TEX9: variants seen among roughly 807,000 people sequenced by gnomAD.
TEX9 encodes the protein testis expressed 9, also known as testis-expressed protein 9.
In TEX9, 74 loss-of-function variants were observed where a neutral mutation model predicts 59.6. That is an observed-to-expected ratio of 1.24 (90% CI 1.03 to 1.51). The LOEUF (loss-of-function observed/expected upper bound fraction) is 1.51. Among genes scored for constraint, TEX9 ranks in the 40% most tolerant of loss-of-function variants. The pLI is 0.00. For synonymous variants in TEX9, 186 were observed against 152.2 expected (o/e 1.22, Z -1.64); for missense variants, 522 against 447.8 (o/e 1.17, Z -1.49).
At chr15:56,385,068 T>C (rs1335135562) in intron 4 of TEX9, among the ~76,000 whole-genome samples, 1 of 152,200 alleles carries the variant, frequency 6.6e-6, no homozygotes, top group African/African-American at 2.4e-5. Context: ...CTTTTGCACA[T>C]GGATAGCCAT....
intron 1 of TEX9, among the ~76,000 whole-genome samples, chr15:56,290,077 C>G (rs1173452600): frequency 6.6e-6 from 1 of 152,116 alleles, no homozygotes; most frequent in East Asian, 1.9e-4. Context: ...CTCGATACAG[C>G]CATAGTGCCT....
At chr15:56,336,332 G>C (rs1031782852) in intron 1 of TEX9, among the ~76,000 whole-genome samples, 1 of 152,124 alleles carries the variant, frequency 6.6e-6, no homozygotes, top group Non-Finnish European at 1.5e-5. Context: ...AAGGTAATTA[G>C]GTCACAAGGG....
chr15:56,379,738 A>G (rs2047637162), intron 3 of TEX9, among the ~76,000 whole-genome samples: 1 of 152,164 alleles, frequency 6.6e-6, no homozygotes, highest in African/African-American at 2.4e-5. Context: ...GCATGCATTT[A>G]TATGCAATCA....
At chr15:56,360,806 G>GCTAT (rs2046775162), upstream of TEX9, among the ~76,000 whole-genome samples, 1 of 152,154 alleles carries the variant, frequency 6.6e-6, no homozygotes, top group Non-Finnish European at 1.5e-5. Flanking sequence ...CCATTGCAGA[G>GCTAT]CTATGTACCA....
At chr15:56,456,774 T>C in the TEX9 span, among the ~76,000 whole-genome samples, 5 of 152,160 alleles carry the variant, frequency 3.3e-5, no homozygotes, top group Non-Finnish European at 5.9e-5. Context: ...TTTTCAAAAA[T>C]TGTCGACATT....
intron 10 of TEX9, among the ~76,000 whole-genome samples, chr15:56,420,008 G>A (rs1181581905): frequency 2.0e-5 from 3 of 151,752 alleles, no homozygotes; most frequent in African/African-American, 7.3e-5. Flanking sequence ...GCTTACATCT[G>A]TCAAGGAATC....
chr15:56,383,900 A>G, intron 3 of TEX9, 52 bp from the exon 4 acceptor site: 2 of 1,360,318 alleles, frequency 1.5e-6, no homozygotes, highest in African/African-American at 1.5e-5. Context: ...ATATATCTTA[A>G]TGGTTTGGTT....
chr15:56,355,037 C>G (rs2046659159), intron 1 of TEX9, among the ~76,000 whole-genome samples: 1 of 152,152 alleles, frequency 6.6e-6, no homozygotes, highest in African/African-American at 2.4e-5. Context: ...CATTTATATA[C>G]AGTCATATAT....
intron 1 of TEX9, among the ~76,000 whole-genome samples, chr15:56,317,353 G>C (rs1390091631): frequency 6.6e-6 from 1 of 152,118 alleles, no homozygotes; most frequent in Non-Finnish European, 1.5e-5. Context: ...TAGTCCTTTT[G>C]GTTTCTGTAA....
intron 1 of TEX9, among the ~76,000 whole-genome samples, chr15:56,307,910 T>C (rs1413826598): frequency 2.0e-5 from 3 of 152,252 alleles, no homozygotes; most frequent in Non-Finnish European, 2.9e-5. Context: ...TTTGGATCAA[T>C]ACATTTATTT....
intron 3 of TEX9, among the ~76,000 whole-genome samples, chr15:56,377,578 G>A (rs181888911): frequency 5.3e-5 from 8 of 152,058 alleles, no homozygotes; most frequent in African/African-American, 1.9e-4. Context: ...ACTGATTTTT[G>A]TATGTTGATC....
chr15:56,310,372 T>C (rs2045581706), intron 1 of TEX9, among the ~76,000 whole-genome samples: 1 of 152,164 alleles, frequency 6.6e-6, no homozygotes, highest in African/African-American at 2.4e-5. Flanking sequence ...GTGGAGATTA[T>C]AGTGAGCCGA....
At chr15:56,385,340 A>G (rs1567113558) in intron 4 of TEX9, among the ~76,000 whole-genome samples, 1 of 152,168 alleles carries the variant, frequency 6.6e-6, no homozygotes. Flanking sequence ...ACAAAAGCCT[A>G]TCAAAATTCA....
At chr15:56,285,562 A>G (rs2044933602) in intron 1 of TEX9, among the ~76,000 whole-genome samples, 1 of 152,192 alleles carries the variant, frequency 6.6e-6, no homozygotes, top group South Asian at 2.1e-4. Context: ...CCTTCAGGCC[A>G]AAAGTGGCTT....
chr15:56,342,343 A>C (rs752793203), intron 1 of TEX9, among the ~76,000 whole-genome samples: 3 of 152,204 alleles, frequency 2.0e-5, no homozygotes, highest in Non-Finnish European at 2.9e-5. Flanking sequence ...ACACAGCCAC[A>C]TGGCTACCTC....
upstream of TEX9, among the ~76,000 whole-genome samples, chr15:56,363,212 A>G (rs763783556): frequency 2.6e-5 from 4 of 151,538 alleles, no homozygotes; most frequent in Non-Finnish European, 5.9e-5. Flanking sequence ...ATTCCCACTA[A>G]CAGTTTATGA....
intron 12 of TEX9, chr15:56,444,560 G>A (rs1354236000): frequency 1.2e-6 from 2 of 1,612,250 alleles, no homozygotes; most frequent in South Asian, 1.1e-5. Context: ...GTTTCTCTAA[G>A]TCAAGATAGT....
chr15:56,392,303 G>A (rs1377547803), intron 7 of TEX9, among the ~76,000 whole-genome samples: 1 of 152,086 alleles, frequency 6.6e-6, no homozygotes, highest in Admixed American at 6.6e-5. Flanking sequence ...CTGCTTCTGG[G>A]GAGGCCTCAG....
At chr15:56,351,491 A>C (rs1200685284) in intron 1 of TEX9, among the ~76,000 whole-genome samples, 19 of 152,222 alleles carry the variant, frequency 1.2e-4, no homozygotes, top group African/African-American at 4.6e-4. Flanking sequence ...TGTCACATGC[A>C]GAGGACTGAA....
Sources: allele counts gnomAD v4.1 joint callset (sites outside exome capture counted in the v4.1 genomes callset), GRCh38; gene constraint gnomAD v4.1.1; transcripts MANE v1.5; gene names NCBI Gene and HGNC (gene_info 2026-07-23, HGNC 2026-07-21).